Variants in ZNF155 observed in about 807,000 individuals in gnomAD.
ZNF155 encodes zinc finger protein 155, also known as KRAB A domain.
ZNF155 carries 15 observed loss-of-function variants against 11.9 expected under a neutral mutation model. The observed-to-expected ratio is 1.26, with a 90% CI of 0.84 to 1.94. The LOEUF (loss-of-function observed/expected upper bound fraction) is 1.94. ZNF155 is among the 30% of genes most tolerant of loss of function. The probability of loss-of-function intolerance (pLI) is 0.00; values close to 1 mark genes in which losing one functional copy is unlikely to be tolerated. For synonymous variants in ZNF155, 212 were observed against 219.9 expected (o/e 0.96, Z 0.32); for missense variants, 602 against 639.1 (o/e 0.94, Z 0.63).
intron 4 of ZNF155, among the ~76,000 whole-genome samples, chr19:43,992,725 A>G (rs990735823): frequency 2.0e-5 from 3 of 152,204 alleles, no homozygotes; most frequent in Non-Finnish European, 2.9e-5. Context: ...TTAGGTGACT[A>G]GTGACCGTTA....
At chr19:43,990,164 A>C in intron 2 of ZNF155, 1 of 1,116,446 alleles carries the variant, frequency 9.0e-7, no homozygotes, top group Non-Finnish European at 1.2e-6. Flanking sequence ...ACAGTTCTAA[A>C]TGTGCTTATT....
Position 43,996,314 on chromosome 19 carries a change from T to C in ZNF155, c.457T>C (p.Cys153Arg), listed in dbSNP as rs370416056. ...ACAGAAACCTTCCCAGGGTGGGAAG[T>C]GTAAACAGTCCATCAGTGATGTTCC... is the stretch of plus-strand genomic sequence containing the variant. Reference protein sequence around the residue: ...TGQKPSQGGKCKQSISDVPIF... With the variant: ...TGQKPSQGGKRKQSISDVPIF... Residue 153 changes from cysteine to arginine, a missense_variant, in exon 5 of 5, where the codon TGT becomes CGT. Cys to Arg is a radical substitution (Grantham distance 180). Transcript: ENST00000270014. 8 of 1,614,064 alleles carry C rather than the reference T, an allele frequency of 5.0e-6. No homozygotes were observed. The highest frequency in any genetic ancestry group is 6.8e-6 in the Non-Finnish European group (8 of 1,180,010).
intron 2 of ZNF155, among the ~76,000 whole-genome samples, chr19:43,990,973 G>T (rs1046812057): frequency 2.6e-5 from 4 of 152,114 alleles, no homozygotes; most frequent in African/African-American, 9.7e-5. Context: ...GACTTACTGG[G>T]CACTTTCTCC....
chr19:43,992,887 T>C (rs1975714019), intron 4 of ZNF155, among the ~76,000 whole-genome samples: 1 of 152,384 alleles, frequency 6.6e-6, no homozygotes, highest in African/African-American at 2.4e-5. Context: ...GTGTGTACAA[T>C]TGACCCACGT....
At chr19:43,987,008 G>A (rs1385679356) in intron 1 of ZNF155, among the ~76,000 whole-genome samples, 1 of 152,162 alleles carries the variant, frequency 6.6e-6, no homozygotes, top group Non-Finnish European at 1.5e-5. Context: ...TGATCATGGG[G>A]TGACTTGGTA....
chr19:43,996,330 G>T lies in ZNF155; in HGVS notation c.473G>T (p.Ser158Ile), dbSNP rs955861668. 2 of 1,614,110 alleles carry T rather than the reference G, an allele frequency of 1.2e-6. No individual in the cohort carries two copies. Among genetic ancestry groups the T allele is most frequent in the Non-Finnish European group, 1.7e-6 (2 of 1,180,040 alleles). Residue 158 changes from serine to isoleucine, a missense_variant, in exon 5 of 5, where the codon AGT (serine) becomes ATT (isoleucine). By Grantham distance (142) the Ser-to-Ile change is moderately radical (BLOSUM62 -2). Transcript: ENST00000270014. ...GGTGGGAAGTGTAAACAGTCCATCA[G>T]TGATGTTCCCATCTTTGATCTTCCT... is the stretch of plus-strand genomic sequence containing the variant. ...SQGGKCKQSI[S>I]DVPIFDLPQQ...
Position 43,997,540 on chromosome 19 carries a change from CAG to C in ZNF155, c.*67_*68del. The C allele has an allele frequency of 2.3e-6, 3 of 1,293,028 alleles. No individual in the cohort carries two copies. Among genetic ancestry groups the C allele is most frequent in the African/African-American group, 1.5e-5 (1 of 67,054 alleles). 80.1% of individuals were successfully genotyped at this position (1,293,028 alleles called of 1,614,324 possible). A position where few individuals can be genotyped will look rare whatever the true frequency, so the allele number is the denominator to read the frequency against. ...TGCATACAATTTATAGTGATCCAAT[CAG>C]TGTAATTGGTGTATCTGTTACCTCA... On this transcript the variant is annotated 3_prime_UTR_variant, in exon 5 of 5. Transcript: ENST00000270014.
At chr19:43,986,937 A>T (rs1419385353) in intron 1 of ZNF155, among the ~76,000 whole-genome samples, 1 of 152,220 alleles carries the variant, frequency 6.6e-6, no homozygotes, top group Non-Finnish European at 1.5e-5. Context: ...TACTACCAGG[A>T]ACATATCTGT....
rs764863461 is a variant in ZNF155 at position 43,996,515 on chromosome 19, C to T, written c.658C>T (p.Gln220Ter). 1 of 1,614,174 alleles carries T rather than the reference C, an allele frequency of 6.2e-7. No homozygotes were observed. Among genetic ancestry groups the T allele is most frequent in the Non-Finnish European group, 8.5e-7 (1 of 1,180,022 alleles). Residue 220 changes from glutamine (Q) to a stop codon, truncating the protein, a stop_gained, in exon 5 of 5, where the codon CAA becomes TAA. Coordinates refer to ENST00000270014, the MANE Select transcript of ZNF155 (RefSeq NM_198089.3). LOFTEE classifies it low-confidence loss of function (END_TRUNC). ...GGAATTTAGTCAAAGCTCACATCTG[C>T]AAACTCATCAGAGAGTCCACACTGG... The part of the protein sequence containing the change: ...GKEFSQSSHL[Q>*]THQRVHTGEK...
Position 43,994,657 on chromosome 19 carries a change from G to A in ZNF155, c.236-1436G>A, listed in dbSNP as rs115141358. On this transcript the variant is annotated intron_variant, in intron 4 of 4. Coordinates refer to ENST00000270014, the MANE Select transcript of ZNF155 (RefSeq NM_198089.3). ...AGGGTCCAGATGAGAATAACCAAAT[G>A]CGGACCTTCTATTGTATTCTCCTGG... Among the ~76,000 whole-genome samples the A allele has an allele frequency of 4.9e-3, 740 of 152,306 alleles. 4 individuals carry two copies. Among genetic ancestry groups the A allele is most frequent in the African/African-American group, 0.016 (654 of 41,574 alleles).
intron 4 of ZNF155, among the ~76,000 whole-genome samples, chr19:43,993,955 C>T (rs192625208): frequency 6.6e-6 from 1 of 152,176 alleles, no homozygotes; most frequent in Admixed American, 6.5e-5. Context: ...ATTTTTCATG[C>T]CTGTAGATGT....
chr19:43,986,619 T>C (rs1975460107), intron 1 of ZNF155, among the ~76,000 whole-genome samples: 1 of 152,042 alleles, frequency 6.6e-6, no homozygotes, highest in Non-Finnish European at 1.5e-5. Flanking sequence ...CCGGCTATTT[T>C]TTTGTATATT....
chr19:43,997,743 A>G lies in ZNF155; in HGVS notation c.*269A>G. The stretch of plus-strand genomic sequence containing the variant: ...AGCTACAGGCACTGATAAGGGAACT[A>G]GCACAGGGGATTGTGCCTGGAGACA... On this transcript the variant is annotated 3_prime_UTR_variant, in exon 5 of 5. Coordinates refer to ENST00000270014, the MANE Select transcript of ZNF155 (RefSeq NM_198089.3). The G allele has an allele frequency of 5.5e-6, 2 of 361,932 alleles. No individual in the cohort carries two copies. The highest frequency in any genetic ancestry group is 1.1e-4 in the East Asian group (2 of 18,152). 22.4% of individuals were successfully genotyped at this position (361,932 alleles called of 1,614,324 possible).
Position 43,997,234 on chromosome 19 carries a change from G to A in ZNF155, c.1377G>A (p.Lys459=), listed in dbSNP as rs1276886726. ...VHTGERPYNC[K]ECGKNFSRAS... ...CGGGAGAGAGACCTTATAATTGTAA[G>A]GAATGTGGGAAGAACTTTAGCCGGG... The change falls in exon 5 of 5, where the codon AAG becomes AAA. Residue 459 remains lysine (K), a synonymous_variant. Transcript: ENST00000270014. 5 of 1,614,046 alleles carry A rather than the reference G, an allele frequency of 3.1e-6. No individual in the cohort carries two copies. The highest frequency in any genetic ancestry group is 1.1e-5 in the South Asian group (1 of 91,072).
At position 43,990,351 on chromosome 19, in the gene ZNF155, A is replaced by G. The variant is rs552670643; in HGVS notation, c.16-1197A>G. On this transcript the variant is annotated intron_variant, in intron 2 of 4. Transcript: ENST00000270014. Reference sequence around the variant, plus strand: ...AAGTAGGTCATCAGATCTCTGGAATACTATGCAGCCATGAAATAGATAATG... The same window carrying G: ...AAGTAGGTCATCAGATCTCTGGAATGCTATGCAGCCATGAAATAGATAATG... Among the ~76,000 whole-genome samples, 18 of 152,370 alleles carry G rather than the reference A, an allele frequency of 1.2e-4. No individual in the cohort carries two copies. In the South Asian group the frequency reaches 3.5e-3, roughly 30 times the overall value.
At chr19:43,988,619 G>T (rs548814700) in intron 2 of ZNF155, 61 bp downstream of exon 2, 2 of 1,555,342 alleles carry the variant, frequency 1.3e-6, no homozygotes, top group African/African-American at 1.4e-5. Flanking sequence ...ATTTTCATGT[G>T]TTTTTCTCTG....
intron 1 of ZNF155, among the ~76,000 whole-genome samples, chr19:43,985,390 C>G (rs73569826): frequency 0.027 from 4,028 of 151,786 alleles, 135 homozygotes; most frequent in African/African-American, 0.078. Context: ...ATGTTCACCT[C>G]AACCAAGAGT....
At chr19:43,988,008 G>A (rs74260441) in intron 1 of ZNF155, among the ~76,000 whole-genome samples, 9,380 of 152,086 alleles carry the variant, frequency 0.062, 591 homozygotes, top group East Asian at 0.16. Flanking sequence ...TTTTCAGGCC[G>A]GGCACAGTGG....
chr19:43,996,819 G>A lies in ZNF155; in HGVS notation c.962G>A (p.Cys321Tyr), dbSNP rs527711390. The A allele has an allele frequency of 1.6e-5, 26 of 1,614,212 alleles. No homozygotes were observed. Among genetic ancestry groups the A allele is most frequent in the South Asian group, 9.9e-5 (9 of 91,090 alleles). Residue 321 changes from cysteine to tyrosine, a missense_variant, in exon 5 of 5, where the codon TGT becomes TAT. Coordinates refer to ENST00000270014, the MANE Select transcript of ZNF155 (RefSeq NM_198089.3). ...TGEKPFRCDT[C>Y]DKSFHQRSAL... ...GAAAAACCATTTAGGTGTGATACAT[G>A]TGATAAGAGCTTTCATCAGAGATCA...
Sources: gnomAD v4.1 joint callset for allele counts (sites outside exome capture counted in the v4.1 genomes callset) on GRCh38, gnomAD v4.1.1 for gene constraint, MANE v1.5 for transcripts, NCBI Gene and HGNC (gene_info 2026-07-23, HGNC 2026-07-21) for gene names.